MOV10L1: variants seen among roughly 807,000 people sequenced by gnomAD.
The protein encoded by MOV10L1 is Mov10 like RNA helicase 1.
In MOV10L1, 110 loss-of-function variants were observed where a neutral mutation model predicts 143.8. The ratio of observed to expected loss-of-function variants is 0.76; its 90% CI spans 0.66 to 0.90. The LOEUF (loss-of-function observed/expected upper bound fraction) is 0.90, where lower values mean the gene tolerates loss of function less well. MOV10L1 is among the 40% of genes least tolerant of loss of function. The pLI is 0.00. For missense variants in MOV10L1, 1,406 were observed against 1,526.8 expected, an observed-to-expected ratio of 0.92 and a Z score of 1.32; for synonymous variants, 593 against 581.1, an observed-to-expected ratio of 1.02 and a Z score of -0.29.
chr22:50,160,217 T>TCCCCCTCCC (rs2063520404), intron 24 of MOV10L1, among the ~76,000 whole-genome samples: 1 of 114,824 alleles, frequency 8.7e-6, no homozygotes, highest in Non-Finnish European at 1.8e-5. Flanking sequence ...CTCCCCCTTC[T>TCCCCCTCCC]CCCCCTCCCC....
At chr22:50,107,414 T>A (rs541717455) in intron 3 of MOV10L1, among the ~76,000 whole-genome samples, 12 of 152,344 alleles carry the variant, frequency 7.9e-5, no homozygotes, top group African/African-American at 2.6e-4. Flanking sequence ...CGAATGTAGG[T>A]GTCAGCTGCT....
chr22:50,132,029 A>G (rs2062692989), intron 13 of MOV10L1, among the ~76,000 whole-genome samples: 1 of 152,208 alleles, frequency 6.6e-6, no homozygotes, highest in African/African-American at 2.4e-5. Flanking sequence ...CTCACGCAGC[A>G]GAAGGGATGG....
Position 50,117,240 on chromosome 22 carries a change from G to T in MOV10L1, c.1343G>T (p.Ser448Ile). The T allele has an allele frequency of 1.9e-6, 3 of 1,614,110 alleles. No individual in the cohort carries two copies. The highest frequency in any genetic ancestry group is 1.1e-5 in the South Asian group (1 of 91,074). ...CGATACCTTGAAGTAAATGTTATCA[G>T]TGGGGAGGAGTCACTAATTGCTGCG... Reference protein sequence around the residue: ...IGRYLEVNVISGEESLIAARE... With the variant: ...IGRYLEVNVIIGEESLIAARE... The change falls in exon 9 of 27, where the codon AGT becomes ATT. Residue 448 changes from serine (S) to isoleucine (I), a missense_variant. Transcript: ENST00000262794.
chr22:50,142,059 T>G (rs1395435091), intron 15 of MOV10L1, 22 bp from the exon 16 acceptor site: 3 of 1,601,518 alleles, frequency 1.9e-6, no homozygotes. Context: ...TTTAAAACAT[T>G]TTTCTGCCTG....
intron 9 of MOV10L1, 21 bp downstream of exon 9, chr22:50,117,372 G>A (rs1453302328): frequency 6.2e-7 from 1 of 1,607,416 alleles, no homozygotes; most frequent in Non-Finnish European, 8.5e-7. Context: ...TGAAATGAGT[G>A]TGGCTCTTGG....
intron 25 of MOV10L1, 38 bp from the exon 26 acceptor site, chr22:50,160,926 A>G (rs1161770036): frequency 1.9e-6 from 3 of 1,613,654 alleles, no homozygotes; most frequent in South Asian, 2.2e-5. Flanking sequence ...TGGGGCCTTC[A>G]CTTGCTCTCA....
intron 10 of MOV10L1, among the ~76,000 whole-genome samples, chr22:50,121,003 A>G (rs764633042): frequency 3.9e-5 from 6 of 152,248 alleles, no homozygotes; most frequent in Non-Finnish European, 7.3e-5. Flanking sequence ...GCAAGGGTCC[A>G]GGGGAGGAGA....
chr22:50,153,017 C>G (rs2063338154), intron 21 of MOV10L1, 28 bp from the exon 22 acceptor site: 4 of 1,576,926 alleles, frequency 2.5e-6, no homozygotes, highest in Non-Finnish European at 3.5e-6. Context: ...CCACCTTCCC[C>G]TTGTGACCCA....
At chr22:50,123,871 A>G (rs753977780) in intron 10 of MOV10L1, among the ~76,000 whole-genome samples, 1 of 152,138 alleles carries the variant, frequency 6.6e-6, no homozygotes, top group Non-Finnish European at 1.5e-5. Context: ...TTCATGGTTT[A>G]GTCTTGGTAG....
At chr22:50,146,838 A>G in intron 19 of MOV10L1, 1 of 506,514 alleles carries the variant, frequency 2.0e-6, no homozygotes, top group South Asian at 2.0e-5. Context: ...ATGTCCTTTC[A>G]TCATGAGATT....
intron 5 of MOV10L1, among the ~76,000 whole-genome samples, chr22:50,110,264 A>T (rs922094636): frequency 4.6e-5 from 7 of 151,986 alleles, no homozygotes; most frequent in African/African-American, 9.7e-5. Context: ...CCTGGCTAAC[A>T]TGGTGAAACC....
intron 15 of MOV10L1, among the ~76,000 whole-genome samples, chr22:50,141,089 T>C (rs1351556051): frequency 2.6e-5 from 4 of 151,938 alleles, no homozygotes; most frequent in Non-Finnish European, 5.9e-5. Context: ...TCTCGCTCTG[T>C]CGCCAGGCTG....
intron 15 of MOV10L1, among the ~76,000 whole-genome samples, chr22:50,135,205 G>C (rs1378063596): frequency 6.6e-6 from 1 of 151,586 alleles, no homozygotes; most frequent in Non-Finnish European, 1.5e-5. Context: ...GTAGAAACAG[G>C]GTTTCACCAT....
At chr22:50,103,366 C>T (rs1318995391) in intron 3 of MOV10L1, among the ~76,000 whole-genome samples, 2 of 152,202 alleles carry the variant, frequency 1.3e-5, no homozygotes, top group Non-Finnish European at 2.9e-5. Context: ...GGTAAACCCT[C>T]TGCCATTTGG....
intron 5 of MOV10L1, among the ~76,000 whole-genome samples, chr22:50,112,570 C>G (rs950817078): frequency 7.9e-5 from 12 of 152,176 alleles, no homozygotes; most frequent in Non-Finnish European, 1.8e-4. Flanking sequence ...CCTGTTTCTG[C>G]CCCCACAGCA....
rs774761866 is a variant in MOV10L1, at chr22:50,158,125, C to A, written c.3135C>A (p.Arg1045=). The A allele has an allele frequency of 5.3e-5, 86 of 1,614,206 alleles. No homozygotes were observed. Among genetic ancestry groups the A allele is most frequent in the Non-Finnish European group, 6.6e-5 (78 of 1,180,046 alleles). The part of the protein sequence containing the change: ...FNPAEAVQVL[R]YCCLLAHSIS... ...CGGCCGAGGCCGTCCAGGTCCTGCG[C>A]TACTGCTGCCTCCTGGCCCACAGCA... Residue 1045 remains arginine (R), a synonymous_variant, in exon 23 of 27, where the codon CGC becomes CGA. Coordinates refer to ENST00000262794, the MANE Select transcript of MOV10L1 (RefSeq NM_018995.3). The surrounding 1 kb of genome is among the most constrained non-coding windows in gnomAD (Gnocchi z 5.0).
intron 22 of MOV10L1, among the ~76,000 whole-genome samples, chr22:50,157,572 G>A (rs1157927638): frequency 6.6e-6 from 1 of 152,018 alleles, no homozygotes; most frequent in Non-Finnish European, 1.5e-5. Flanking sequence ...TTCCAGCAGC[G>A]TTGGTTGAAA....
Position 50,159,289 on chromosome 22 carries a change from G to T in MOV10L1, c.3217-389G>T, listed in dbSNP as rs546985932. 312 of 154,252 alleles carry T rather than the reference G, an allele frequency of 2.0e-3. 1 individual carries two copies. The highest frequency in any genetic ancestry group is 3.5e-3 in the Non-Finnish European group (241 of 69,390). 9.6% of individuals were successfully genotyped at this position (154,252 alleles called of 1,614,324 possible). A position where few individuals can be genotyped will look rare whatever the true frequency, so the allele number is the denominator to read the frequency against. ...GCACCTTGGCCAATATTTGGTTTAT[G>T]CTGTGATGTGTAAAGAGATGGATTT... On this transcript the variant is annotated intron_variant, in intron 23 of 26. Transcript: ENST00000262794. This position sits in a 1 kb window ranked among gnomAD's most constrained non-coding sequence, Gnocchi z 4.1.
chr22:50,111,351 A>G (rs1569282979), intron 5 of MOV10L1, among the ~76,000 whole-genome samples: 1 of 152,278 alleles, frequency 6.6e-6, no homozygotes, highest in South Asian at 2.1e-4. Context: ...ATGTAAGAGA[A>G]GGTAACATGG....
Sources: gnomAD v4.1 joint callset for allele counts (sites outside exome capture counted in the v4.1 genomes callset) on GRCh38, gnomAD v4.1.1 for gene constraint, Gnocchi (gnomAD v3.1) non-coding constraint, MANE v1.5 for transcripts, NCBI Gene and HGNC (gene_info 2026-07-23, HGNC 2026-07-21) for gene names.